Variants in NBDY observed in about 807,000 individuals in gnomAD.
NBDY encodes P-body dissociating protein.
intron 2 of NBDY, among the ~76,000 whole-genome samples, chrX:56,815,978 T>C (rs776693184): frequency 9.7e-4 from 108 of 111,712 alleles, no homozygotes; most frequent in Non-Finnish European, 1.5e-3. Context: ...GTTTTCCTCA[T>C]TTTAATGCCT....
intron 2 of NBDY, among the ~76,000 whole-genome samples, chrX:56,814,109 G>C (rs764160680): frequency 9.2e-6 from 1 of 109,111 alleles, no homozygotes; most frequent in Non-Finnish European, 1.9e-5. Context: ...ATTGATTTTT[G>C]CATTTTCTTT....
At chrX:56,796,660 A>G (rs1475946934) in intron 2 of NBDY, among the ~76,000 whole-genome samples, 2 of 109,409 alleles carry the variant, frequency 1.8e-5, no homozygotes, top group African/African-American at 3.3e-5. Flanking sequence ...CCCGTTTTTC[A>G]TCTTCCTCTC....
At chrX:56,801,227 C>T (rs1211970043) in intron 2 of NBDY, among the ~76,000 whole-genome samples, 4 of 112,035 alleles carry the variant, frequency 3.6e-5, no homozygotes, top group Non-Finnish European at 7.5e-5. Flanking sequence ...CAGTGAGGCA[C>T]CCCTGAACTA....
intron 2 of NBDY, among the ~76,000 whole-genome samples, chrX:56,788,355 G>C (rs1299683529): frequency 1.8e-5 from 2 of 113,279 alleles, no homozygotes; most frequent in Non-Finnish European, 3.7e-5. Flanking sequence ...AACTGTTTCT[G>C]GAAATGGGAG....
At chrX:56,785,497 G>T (rs189640658) in intron 2 of NBDY, among the ~76,000 whole-genome samples, 1 of 111,101 alleles carries the variant, frequency 9.0e-6, no homozygotes. Context: ...GGGTACAGTC[G>T]TCTAGGCAAT....
At chrX:56,762,712 A>G (rs2069644057) in intron 2 of NBDY, among the ~76,000 whole-genome samples, 1 of 111,289 alleles carries the variant, frequency 9.0e-6, no homozygotes, top group Non-Finnish European at 1.9e-5. Context: ...ATGTGAACAC[A>G]ACTATCCGGA....
chrX:56,808,825 T>C (rs776597688), intron 2 of NBDY, among the ~76,000 whole-genome samples: 1 of 112,291 alleles, frequency 8.9e-6, no homozygotes, highest in East Asian at 2.8e-4. Context: ...TTGCTTCTGC[T>C]TCTCTATTTC....
intron 2 of NBDY, among the ~76,000 whole-genome samples, chrX:56,748,534 T>G (rs1301640419): frequency 9.4e-6 from 1 of 106,627 alleles, no homozygotes; most frequent in African/African-American, 3.4e-5. Flanking sequence ...AAGGTATATA[T>G]AGAGAAAAGT....
At chrX:56,748,731 T>A (rs184021222) in intron 2 of NBDY, among the ~76,000 whole-genome samples, 2 of 105,096 alleles carry the variant, frequency 1.9e-5, no homozygotes, top group Admixed American at 1.1e-4. Context: ...TTTATTAATT[T>A]GTAAATTAAG....
At chrX:56,797,083 C>T (rs2069795781) in intron 2 of NBDY, among the ~76,000 whole-genome samples, 1 of 108,847 alleles carries the variant, frequency 9.2e-6, no homozygotes, top group South Asian at 4.1e-4. Flanking sequence ...TCCTCCAACT[C>T]CCTCTCCTTC....
chrX:56,812,081 C>T (rs1379705071), intron 2 of NBDY, among the ~76,000 whole-genome samples: 2 of 110,996 alleles, frequency 1.8e-5, no homozygotes, highest in African/African-American at 6.6e-5. Flanking sequence ...TGGGCTGCAC[C>T]CACTATCCAA....
At chrX:56,802,925 C>A (rs2069831214) in intron 2 of NBDY, among the ~76,000 whole-genome samples, 1 of 105,694 alleles carries the variant, frequency 9.5e-6, no homozygotes, top group African/African-American at 4.0e-5. Flanking sequence ...TTTTATCCTC[C>A]CTGTCTTTTT....
chrX:56,792,245 C>T (rs894876580), intron 2 of NBDY, among the ~76,000 whole-genome samples: 10 of 111,351 alleles, frequency 9.0e-5, no homozygotes, highest in African/African-American at 2.0e-4. Context: ...GTGGTGAACG[C>T]ACCCTTACCT....
rs1331311318 is a variant in NBDY at position 56,734,079 on chromosome X, C to A, written c.*166+1880C>A. On this transcript the variant is annotated intron_variant, in intron 2 of 2. Transcript: ENST00000374922. ...AATGAAATCATTACCAAAATGTACA[C>A]TTTGGATTTATTAAGATTCTAGAAT... is the stretch of plus-strand genomic sequence containing the variant. 3.6e-5 allele frequency among the ~76,000 whole-genome samples: 4 copies of A among 112,269 alleles called. No individual in the cohort carries two copies. In the Admixed American group the frequency reaches 3.8e-4, roughly 11 times the overall value.
chrX:56,782,004 G>A (rs1375069446), intron 2 of NBDY, among the ~76,000 whole-genome samples: 2 of 111,581 alleles, frequency 1.8e-5, no homozygotes, highest in Non-Finnish European at 3.8e-5. Context: ...GTACTCTGTA[G>A]TTCTGCAGGC....
chrX:56,818,660 G>A lies in NBDY; in HGVS notation c.*1507G>A, dbSNP rs1261624574. ...TGCAACCCTTATCAAAATTAAGGTT[G>A]CCTACTTTGAAGAAATTTATAACCT... is the stretch of plus-strand genomic sequence containing the variant. On this transcript the variant is annotated 3_prime_UTR_variant, in exon 3 of 3. Coordinates refer to ENST00000374922, the MANE Select transcript of NBDY (RefSeq NM_001348129.2). The A allele has an allele frequency of 9.0e-6, 1 of 111,693 alleles. No individual in the cohort carries two copies. Among genetic ancestry groups the A allele is most frequent in the Non-Finnish European group, 1.9e-5 (1 of 53,089 alleles). The allele number at this position is 111,693 out of a possible 1,213,427, so 9.2% of individuals were successfully genotyped here. A position where few individuals can be genotyped will look rare whatever the true frequency, so the allele number is the denominator to read the frequency against.
At chrX:56,793,304 T>A (rs1221752347) in intron 2 of NBDY, among the ~76,000 whole-genome samples, 1 of 111,975 alleles carries the variant, frequency 8.9e-6, no homozygotes. Flanking sequence ...ATGTGTCCTT[T>A]GTCTTTTACT....
intron 2 of NBDY, among the ~76,000 whole-genome samples, chrX:56,758,018 A>G (rs1408458967): frequency 9.0e-6 from 1 of 111,467 alleles, no homozygotes; most frequent in Non-Finnish European, 1.9e-5. Context: ...CTCCTGGGAA[A>G]GAGATCAAAG....
At chrX:56,742,375 T>C (rs1270876485) in intron 2 of NBDY, among the ~76,000 whole-genome samples, 2 of 111,734 alleles carry the variant, frequency 1.8e-5, no homozygotes, top group Non-Finnish European at 3.8e-5. Context: ...AGAATGTTTT[T>C]TGTATTTTTA....
Sources: gnomAD v4.1 joint callset for allele counts (sites outside exome capture counted in the v4.1 genomes callset) on GRCh38, gnomAD v4.1.1 for gene constraint, MANE v1.5 for transcripts, NCBI Gene and HGNC (gene_info 2026-07-23, HGNC 2026-07-21) for gene names.